Variants in EVPLL observed in about 807,000 individuals in gnomAD.
EVPLL encodes the protein envoplakin-like protein.
EVPLL carries 39 observed loss-of-function variants against 46.2 expected under a neutral mutation model. The ratio of observed to expected loss-of-function variants is 0.84; its 90% CI spans 0.65 to 1.10. The LOEUF (loss-of-function observed/expected upper bound fraction) is 1.10. Among genes scored for constraint, EVPLL ranks in the 50% least tolerant of loss-of-function variants. The probability of loss-of-function intolerance (pLI) is 0.00; values close to 1 mark genes in which losing one functional copy is unlikely to be tolerated. For synonymous variants in EVPLL, 156 were observed against 165.8 expected, an observed-to-expected ratio of 0.94 and a Z score of 0.46; for missense variants, 385 against 412.6, an observed-to-expected ratio of 0.93 and a Z score of 0.58.
chr17:18,381,106 G>A lies in EVPLL; in HGVS notation c.63+106G>A. The A allele has an allele frequency of 5.0e-6, 7 of 1,389,250 alleles. No homozygotes were observed. Among genetic ancestry groups the A allele is most frequent in the Admixed American group, 2.0e-5 (1 of 49,492 alleles). The allele number at this position is 1,389,250 out of a possible 1,614,324, so 86.1% of individuals were successfully genotyped here. A position where few individuals can be genotyped will look rare whatever the true frequency, so the allele number is the denominator to read the frequency against. ...AGTGCCCCCTGGTGATGGTGAAGATGGGACAGATGACATTTGTCCTGCACC... is the reference window on the plus strand; with the variant it reads ...AGTGCCCCCTGGTGATGGTGAAGATAGGACAGATGACATTTGTCCTGCACC... On this transcript the variant is annotated intron_variant, in intron 2 of 10. Coordinates refer to ENST00000399134, the MANE Select transcript of EVPLL (RefSeq NM_001145127.2). The surrounding 1 kb of genome is among the most constrained non-coding windows in gnomAD (Gnocchi z 4.2).
intron 4 of EVPLL, 36 bp from the exon 5 acceptor site, chr17:18,382,477 G>C: frequency 1.3e-6 from 2 of 1,550,652 alleles, no homozygotes; most frequent in Non-Finnish European, 1.7e-6. Context: ...TCTCCACCCT[G>C]GTCCTGTGGT....
In EVPLL at chr17:18,381,701, G is replaced by C; in HGVS notation, c.317G>C (p.Arg106Pro). 1.2e-6 allele frequency: 2 copies of C among 1,614,192 alleles called. No homozygotes were observed. The highest frequency in any genetic ancestry group is 1.7e-6 in the Non-Finnish European group (2 of 1,180,034). The change falls in exon 4 of 11, where the codon CGA becomes CCA. Residue 106 changes from arginine to proline, a missense_variant. By Grantham distance (103) the Arg-to-Pro change is moderately radical. Transcript: ENST00000399134. This position sits in a 1 kb window ranked among gnomAD's most constrained non-coding sequence, Gnocchi z 4.2. ...VLPPRRGIQGRLGTRAGAETE... is the reference protein window; with the variant it reads ...VLPPRRGIQGPLGTRAGAETE... ...CCGCCCCGACGTGGGATCCAAGGTC[G>C]ACTGGGCACACGTGCTGGAGCAGAA...
At position 18,381,959 on chromosome 17, in the gene EVPLL, T is replaced by C. The variant is rs1987593779; in HGVS notation, c.346+229T>C. 3 of 624,276 alleles carry C rather than the reference T, an allele frequency of 4.8e-6. No individual in the cohort carries two copies. Among genetic ancestry groups the C allele is most frequent in the Non-Finnish European group, 8.1e-6 (3 of 368,246 alleles). 38.7% of individuals were successfully genotyped at this position (624,276 alleles called of 1,614,324 possible). ...GCTCGGTTGGGTCAGGGTGAAGTAG[T>C]GAGGAGAGGACAATTCCAGAAAGAA... On this transcript the variant is annotated intron_variant, in intron 4 of 10. Coordinates refer to ENST00000399134, the MANE Select transcript of EVPLL (RefSeq NM_001145127.2). The surrounding 1 kb of genome is among the most constrained non-coding windows in gnomAD (Gnocchi z 4.2).
chr17:18,381,369 C>T lies in EVPLL; in HGVS notation c.66C>T (p.Asp22=), dbSNP rs529782002. 19 of 1,558,378 alleles carry T rather than the reference C, an allele frequency of 1.2e-5. No individual in the cohort carries two copies. The East Asian group carries it at 4.1e-4, about 34-fold the overall frequency. The change falls in exon 3 of 11, where the codon GAC becomes GAT. Residue 22 remains aspartate (D), a splice_region_variant and synonymous_variant. Coordinates refer to ENST00000399134, the MANE Select transcript of EVPLL (RefSeq NM_001145127.2). This position sits in a 1 kb window ranked among gnomAD's most constrained non-coding sequence, Gnocchi z 4.2. ...GTCTGCCCATCCCCTGCCCACAGGA[C>T]CGGCTGAACAGTGAGCAGAGCCAGG... ...ILETQKRLQQ[D]RLNSEQSQAL... is the part of the protein sequence containing the mutation.
chr17:18,383,086 G>C lies in EVPLL; in HGVS notation c.573G>C (p.Thr191=). 6.4e-7 allele frequency: 1 copy of C among 1,553,188 alleles called. No individual in the cohort carries two copies. The highest frequency in any genetic ancestry group is 8.7e-7 in the Non-Finnish European group (1 of 1,155,942). The change falls in exon 7 of 11, where the codon ACG becomes ACC. Residue 191 remains threonine (T), a synonymous_variant. Coordinates refer to ENST00000399134, the MANE Select transcript of EVPLL (RefSeq NM_001145127.2). ...CTGTACACGCACTGCAGGGCTGCAC[G>C]TGGCAGCTGAGCGCCCTGGCGGAGC... ...GQPVHALQGC[T]WQLSALAEQQ... is the part of the protein sequence containing the mutation.
intron 1 of EVPLL, 103 bp downstream of exon 1, chr17:18,378,086 C>A: frequency 2.5e-6 from 1 of 396,216 alleles, no homozygotes; most frequent in Non-Finnish European, 4.4e-6. Flanking sequence ...CAGGACCAGC[C>A]CCGTGCTGGC....
In EVPLL at chr17:18,381,623, G is replaced by A. The variant is rs201966669; in HGVS notation, c.239G>A (p.Arg80Gln). The change falls in exon 4 of 11, where the codon CGG becomes CAG. Residue 80 changes from arginine to glutamine, a missense_variant. Transcript: ENST00000399134. This position sits in a 1 kb window ranked among gnomAD's most constrained non-coding sequence, Gnocchi z 4.2. ...TEKDIEQLHE[R>Q]VTQECAEYCA... ...GACAGCATCGAGCAGCTGCACGAGC[G>A]GGTGACCCAGGAGTGTGCGGAGTAC... 1.1e-3 allele frequency: 1,849 copies of A among 1,614,158 alleles called. 23 individuals carry two copies. In the African/African-American group the frequency reaches 0.019, roughly 17 times the overall value.
At chr17:18,380,854 G>A in intron 1 of EVPLL, 48 bp from the exon 2 acceptor site, 1 of 1,491,988 alleles carries the variant, frequency 6.7e-7, no homozygotes, top group South Asian at 1.2e-5. Context: ...ATGGGGCACA[G>A]AGGGGCCTCT....
Position 18,385,859 on chromosome 17 carries a change from T to C in EVPLL, c.876+2272T>C, listed in dbSNP as rs181503829. 7.4e-4 allele frequency among the ~76,000 whole-genome samples: 113 copies of C among 152,326 alleles called. 1 individual carries two copies. The highest frequency in any genetic ancestry group is 1.8e-3 in the Admixed American group (28 of 15,294). ...CATATGATAATATACACTGAAATTA[T>C]GCACCCTGCACCCCGCCGTCCCCAC... is the stretch of plus-strand genomic sequence containing the variant. On this transcript the variant is annotated intron_variant, in intron 9 of 10. Transcript: ENST00000399134.
At position 18,382,869 on chromosome 17, in the gene EVPLL, G is replaced by A. The variant is rs771931633; in HGVS notation, c.511+5G>A. Reference sequence around the variant, plus strand: ...AGCCAATACCGAGACCTACTGGTGAGCAGGAGGGAGGGTCGGGCAGGGTGG... The same window carrying A: ...AGCCAATACCGAGACCTACTGGTGAACAGGAGGGAGGGTCGGGCAGGGTGG... On this transcript the variant is annotated splice_donor_5th_base_variant and intron_variant, in intron 6 of 10. Coordinates refer to ENST00000399134, the MANE Select transcript of EVPLL (RefSeq NM_001145127.2). 3.1e-6 allele frequency: 5 copies of A among 1,613,028 alleles called. No homozygotes were observed. The highest frequency in any genetic ancestry group is 4.2e-6 in the Non-Finnish European group (5 of 1,179,620).
rs556346982 is a variant in EVPLL, at chr17:18,381,663, G to A, written c.279G>A (p.Glu93=). 5 of 1,614,230 alleles carry A rather than the reference G, an allele frequency of 3.1e-6. No individual in the cohort carries two copies. The highest frequency in any genetic ancestry group is 4.2e-6 in the Non-Finnish European group (5 of 1,180,048). The change falls in exon 4 of 11, where the codon GAG becomes GAA. Residue 93 remains glutamate, a synonymous_variant. Transcript: ENST00000399134. The surrounding 1 kb of genome is among the most constrained non-coding windows in gnomAD (Gnocchi z 4.2). ...QECAEYCALY[E]KMVLPPRRGI... ...GTGCGGAGTACTGTGCCCTGTACGA[G>A]AAGATGGTGCTGCCGCCCCGACGTG...
At chr17:18,378,020 G>A (rs1257812056) in intron 1 of EVPLL, 37 bp downstream of exon 1, 1 of 630,988 alleles carries the variant, frequency 1.6e-6, no homozygotes, top group African/African-American at 2.0e-5. Flanking sequence ...CAGGGAGCTA[G>A]GGTGGGGGTG....
chr17:18,383,819 CA>C (rs950305660), intron 9 of EVPLL: 12 of 506,856 alleles, frequency 2.4e-5, no homozygotes, highest in Non-Finnish European at 4.3e-5. Context: ...CTAAAAATAC[CA>C]AAATTAGCTA....
chr17:18,381,575 C>A lies in EVPLL; in HGVS notation c.219-28C>A, dbSNP rs1158428645. 6.2e-7 allele frequency: 1 copy of A among 1,613,916 alleles called. No individual in the cohort carries two copies. Among genetic ancestry groups the A allele is most frequent in the Admixed American group, 1.7e-5 (1 of 60,022 alleles). On this transcript the variant is annotated intron_variant, in intron 3 of 10. Transcript: ENST00000399134. The surrounding 1 kb of genome is among the most constrained non-coding windows in gnomAD (Gnocchi z 4.2). Reference sequence around the variant, plus strand: ...TCCCTGGGGAAGACCCAGGCCCAGCCCTGACCTGCTGGCCACCTTCTTGAC... The same window carrying A: ...TCCCTGGGGAAGACCCAGGCCCAGCACTGACCTGCTGGCCACCTTCTTGAC...
chr17:18,382,896 T>C, intron 6 of EVPLL, 32 bp downstream of exon 6: 1 of 1,596,642 alleles, frequency 6.3e-7, no homozygotes, highest in Non-Finnish European at 8.6e-7. Flanking sequence ...GCAGGGTGGC[T>C]GCAGGTGGGC....
Position 18,383,073 on chromosome 17 carries a change from T to A in EVPLL, c.560T>A (p.Leu187Gln). 6.4e-7 allele frequency: 1 copy of A among 1,556,084 alleles called. No individual in the cohort carries two copies. The highest frequency in any genetic ancestry group is 1.2e-5 in the South Asian group (1 of 85,718). Residue 187 changes from leucine to glutamine, a missense_variant, in exon 7 of 11, where the codon CTG becomes CAG. Leu to Gln is a moderately radical substitution (Grantham distance 113). Transcript: ENST00000399134. ...GAGCCTGGGCAGCCTGTACACGCAC[T>A]GCAGGGCTGCACGTGGCAGCTGAGC... ...RAEPGQPVHALQGCTWQLSAL... is the reference protein window; with the variant it reads ...RAEPGQPVHAQQGCTWQLSAL...
At chr17:18,379,252 G>A (rs1453036164) in intron 1 of EVPLL, among the ~76,000 whole-genome samples, 1 of 152,254 alleles carries the variant, frequency 6.6e-6, no homozygotes, top group Non-Finnish European at 1.5e-5. Flanking sequence ...AGAGGAGGCA[G>A]CAGCCCGCCT....
chr17:18,383,127 T>C lies in EVPLL; in HGVS notation c.614T>C (p.Leu205Pro), dbSNP rs780020358. The C allele has an allele frequency of 1.9e-6, 3 of 1,550,410 alleles. No individual in the cohort carries two copies. Among genetic ancestry groups the C allele is most frequent in the East Asian group, 2.4e-5 (1 of 41,694 alleles). Reference protein sequence around the residue: ...SALAEQQRRILQQDWSDLMAD... With the variant: ...SALAEQQRRIPQQDWSDLMAD... Reference sequence around the variant, plus strand: ...CTGGCGGAGCAGCAGCGCCGCATCCTGCAGCAGGACTGGAGCGACCTCATG... The same window carrying C: ...CTGGCGGAGCAGCAGCGCCGCATCCCGCAGCAGGACTGGAGCGACCTCATG... Residue 205 changes from leucine to proline, a missense_variant, in exon 7 of 11, where the codon CTG becomes CCG. Coordinates refer to ENST00000399134, the MANE Select transcript of EVPLL (RefSeq NM_001145127.2).
At position 18,381,173 on chromosome 17, in the gene EVPLL, C is replaced by T. The variant is rs1309376838; in HGVS notation, c.63+173C>T. On this transcript the variant is annotated intron_variant, in intron 2 of 10. Transcript: ENST00000399134. This position sits in a 1 kb window ranked among gnomAD's most constrained non-coding sequence, Gnocchi z 4.2. ...ACGGTGGGAGAGAGGGCTCAACTTC[C>T]TTCTTTGCTGGGCTCCCCTGTGTCT... The T allele has an allele frequency of 8.3e-7, 1 of 1,205,502 alleles. No individual in the cohort carries two copies. Among genetic ancestry groups the T allele is most frequent in the Admixed American group, 2.5e-5 (1 of 40,800 alleles). 74.7% of individuals were successfully genotyped at this position (1,205,502 alleles called of 1,614,324 possible).
Sources: gnomAD v4.1 joint callset for allele counts (sites outside exome capture counted in the v4.1 genomes callset) on GRCh38, gnomAD v4.1.1 for gene constraint, Gnocchi (gnomAD v3.1) non-coding constraint, MANE v1.5 for transcripts, NCBI Gene and HGNC (gene_info 2026-07-23, HGNC 2026-07-21) for gene names.